Variants in FOXO3 observed in about 807,000 individuals in gnomAD.
The protein encoded by FOXO3 is forkhead box O3.
In FOXO3, 4 loss-of-function variants were observed where a neutral mutation model predicts 41.9. That is an observed-to-expected ratio of 0.10 (90% CI 0.05 to 0.22). The LOEUF (loss-of-function observed/expected upper bound fraction) is 0.22, where lower values mean the gene tolerates loss of function less well. Ranked by LOEUF, FOXO3 falls within the 10% of genes least tolerant of loss-of-function variation. The pLI is 1.00. For synonymous variants in FOXO3, 318 were observed against 389.3 expected (o/e 0.82, Z 2.16); for missense variants, 534 against 906.8 (o/e 0.59, Z 5.28).
intron 1 of FOXO3, among the ~76,000 whole-genome samples, chr6:108,634,502 C>T (rs1778062314): frequency 6.6e-6 from 1 of 152,136 alleles, no homozygotes; most frequent in African/African-American, 2.4e-5. Context: ...CCTGTTTGAT[C>T]CATCTGCTAA....
At chr6:108,671,711 A>G (rs1309547475) in intron 2 of FOXO3, among the ~76,000 whole-genome samples, 1 of 152,234 alleles carries the variant, frequency 6.6e-6, no homozygotes, top group African/African-American at 2.4e-5. Context: ...AACTATGGGC[A>G]GAAAGAGTGA....
intron 2 of FOXO3, among the ~76,000 whole-genome samples, chr6:108,679,333 A>C (rs1582845847): frequency 6.6e-6 from 1 of 152,244 alleles, no homozygotes; most frequent in African/African-American, 2.4e-5. Context: ...TTCGTGGAAA[A>C]GGGTGGTAAG....
At position 108,677,236 on chromosome 6, in the gene FOXO3, C is replaced by T. The variant is rs143952815; in HGVS notation, c.*35-2591C>T. On this transcript the variant is annotated intron_variant, in intron 2 of 2. Coordinates refer to ENST00000406360, the MANE Select transcript of FOXO3 (RefSeq NM_001455.4). ...AGGGAAAGTGGTGATTCACACATCT[C>T]GTTTTTAATAATGGAGTTCTCTGAA... Among the ~76,000 whole-genome samples, 23 of 152,290 alleles carry T rather than the reference C, an allele frequency of 1.5e-4. No homozygotes were observed. In the East Asian group the frequency reaches 4.2e-3, roughly 28 times the overall value.
chr6:108,659,106 A>AACT (rs1009178034), intron 1 of FOXO3, among the ~76,000 whole-genome samples: 1 of 151,970 alleles, frequency 6.6e-6, no homozygotes, highest in African/African-American at 2.4e-5. Flanking sequence ...GCTGGTCTTG[A>AACT]ACTCCTGAGC....
intron 1 of FOXO3, chr6:108,656,318 G>C (rs1314035984): frequency 2.0e-6 from 2 of 977,824 alleles, no homozygotes; most frequent in Non-Finnish European, 2.4e-6. Context: ...TGTGTTCCAG[G>C]GGAAGCACAT....
At chr6:108,560,384 G>A (rs1457631964), upstream of FOXO3, among the ~76,000 whole-genome samples, 2 of 152,192 alleles carry the variant, frequency 1.3e-5, no homozygotes, top group South Asian at 2.1e-4. Context: ...CGTCCCCGCC[G>A]GGCTCGAACC....
At chr6:108,665,123 T>C (rs1286766991) in intron 2 of FOXO3, among the ~76,000 whole-genome samples, 3 of 152,198 alleles carry the variant, frequency 2.0e-5, no homozygotes, top group Admixed American at 1.3e-4. Flanking sequence ...AGAAATCTAC[T>C]GCTCGTGAAG....
At chr6:108,640,560 A>G (rs186425322) in intron 1 of FOXO3, among the ~76,000 whole-genome samples, 2 of 152,340 alleles carry the variant, frequency 1.3e-5, no homozygotes, top group African/African-American at 2.4e-5. Flanking sequence ...CTTGATGTTT[A>G]AAGTGTTTTT....
At chr6:108,586,978 T>C (rs1410465949) in intron 1 of FOXO3, among the ~76,000 whole-genome samples, 1 of 147,234 alleles carries the variant, frequency 6.8e-6, no homozygotes, top group Non-Finnish European at 1.5e-5. Context: ...ATTATTATTA[T>C]TATTATTATT....
chr6:108,642,730 G>A (rs765301138), intron 1 of FOXO3, among the ~76,000 whole-genome samples: 8 of 152,182 alleles, frequency 5.3e-5, no homozygotes, highest in Non-Finnish European at 1.0e-4. Context: ...AAATCAGAAT[G>A]ATGTGTGTAT....
intron 1 of FOXO3, among the ~76,000 whole-genome samples, chr6:108,652,489 G>T (rs892652976): frequency 3.9e-5 from 6 of 152,162 alleles, no homozygotes; most frequent in Admixed American, 6.5e-5. Flanking sequence ...TTGGTCACTT[G>T]TTAGTGGTGC....
chr6:108,571,994 A>G (rs1776116298), intron 1 of FOXO3, among the ~76,000 whole-genome samples: 1 of 152,108 alleles, frequency 6.6e-6, no homozygotes, highest in Non-Finnish European at 1.5e-5. Context: ...GGAGGCATGA[A>G]TTTTCCTTGA....
chr6:108,624,951 G>T (rs1464559424), intron 1 of FOXO3, among the ~76,000 whole-genome samples: 1 of 151,988 alleles, frequency 6.6e-6, no homozygotes, highest in Non-Finnish European at 1.5e-5. Flanking sequence ...GTTTTGTTTT[G>T]TTTTGTTTTT....
intron 1 of FOXO3, among the ~76,000 whole-genome samples, chr6:108,639,337 A>G (rs1778195467): frequency 1.3e-5 from 2 of 152,220 alleles, no homozygotes; most frequent in East Asian, 3.8e-4. Context: ...CCAAGCATTT[A>G]GCTTTTTGAC....
At chr6:108,613,652 A>G (rs897756298) in intron 1 of FOXO3, among the ~76,000 whole-genome samples, 3 of 151,756 alleles carry the variant, frequency 2.0e-5, no homozygotes, top group African/African-American at 7.3e-5. Flanking sequence ...GTGCCTTGCA[A>G]TTTCATTGAT....
intron 1 of FOXO3, among the ~76,000 whole-genome samples, chr6:108,586,704 A>G (rs971397402): frequency 1.3e-5 from 2 of 152,030 alleles, no homozygotes; most frequent in African/African-American, 2.4e-5. Flanking sequence ...AATTGTCAAT[A>G]CTGAGAAGTG....
In FOXO3 at chr6:108,561,496, C is replaced by G. The variant is rs1315705957; in HGVS notation, c.288C>G (p.Asp96Glu). 2 of 1,475,434 alleles carry G rather than the reference C, an allele frequency of 1.4e-6. No homozygotes were observed. Among genetic ancestry groups the G allele is most frequent in the East Asian group, 5.4e-5 (2 of 37,242 alleles). 91.4% of individuals were successfully genotyped at this position (1,475,434 alleles called of 1,614,324 possible). Residue 96 changes from aspartate (D) to glutamate (E), a missense_variant, in exon 1 of 3, where the codon GAC becomes GAG. By Grantham distance (45) the Asp-to-Glu change is conservative. Transcript: ENST00000406360. ...TGGGCTCCGGGCTGCTCCTTGAGGA[C>G]TCGGCCCGGGTGCTGGCACCCGGAG... ...GTLGSGLLLE[D>E]SARVLAPGGQ...
At chr6:108,643,381 TTA>T (rs1778311260) in intron 1 of FOXO3, among the ~76,000 whole-genome samples, 1 of 152,166 alleles carries the variant, frequency 6.6e-6, no homozygotes, top group Non-Finnish European at 1.5e-5. Context: ...GTACCTTAGG[TTA>T]CTTAATGTTG....
chr6:108,660,817 T>A (rs1366402440), intron 1 of FOXO3, among the ~76,000 whole-genome samples: 2 of 152,100 alleles, frequency 1.3e-5, no homozygotes, highest in African/African-American at 4.8e-5. Flanking sequence ...CCATCCTGGC[T>A]AACACGATGT....
Sources: gnomAD v4.1 joint callset for allele counts (sites outside exome capture counted in the v4.1 genomes callset) on GRCh38, gnomAD v4.1.1 for gene constraint, MANE v1.5 for transcripts, NCBI Gene and HGNC (gene_info 2026-07-23, HGNC 2026-07-21) for gene names.